SYNE1: variants seen among roughly 807,000 people sequenced by gnomAD.
SYNE1 encodes nesprin-1.
Under a neutral mutation model 1,111.0 loss-of-function variants are expected in SYNE1, and 616 were observed. That is an observed-to-expected ratio of 0.55 (90% CI 0.52 to 0.59). SYNE1 has a LOEUF of 0.59. Among genes scored for constraint, SYNE1 ranks in the 20% least tolerant of loss-of-function variants. The probability of loss-of-function intolerance (pLI) is 0.00; values close to 1 mark genes in which losing one functional copy is unlikely to be tolerated. For synonymous variants in SYNE1, 3,855 were observed against 3,825.8 expected (o/e 1.01, Z -0.28); for missense variants, 10,006 against 10,417.0 (o/e 0.96, Z 1.72).
At chr6:152,379,363 T>C (rs920987666) in intron 56 of SYNE1, among the ~76,000 whole-genome samples, 6 of 152,020 alleles carry the variant, frequency 3.9e-5, no homozygotes, top group Non-Finnish European at 8.8e-5. Context: ...ACATAGTAAA[T>C]AGAATTATTT....
chr6:152,361,810 G>A (rs1460485922), intron 64 of SYNE1, among the ~76,000 whole-genome samples: 5 of 147,902 alleles, frequency 3.4e-5, no homozygotes, highest in Non-Finnish European at 5.9e-5. Flanking sequence ...TAAGCATTAT[G>A]ACGAATGCAC....
intron 43 of SYNE1, 45 bp downstream of exon 43, chr6:152,409,514 A>G (rs143327810): frequency 1.2e-6 from 2 of 1,607,876 alleles, no homozygotes; most frequent in African/African-American, 2.7e-5. Context: ...TAAAAACCAG[A>G]TCTACTAAAG....
At chr6:152,532,083 G>A (rs6933201) in intron 4 of SYNE1, among the ~76,000 whole-genome samples, 6,231 of 152,140 alleles carry the variant, frequency 0.041, 411 homozygotes, top group African/African-American at 0.14. Flanking sequence ...CTGACATATT[G>A]TTTTACATAG....
intron 3 of SYNE1, among the ~76,000 whole-genome samples, chr6:152,626,177 C>A (rs2099685331): frequency 6.6e-6 from 1 of 152,206 alleles, no homozygotes; most frequent in South Asian, 2.1e-4. Flanking sequence ...AAAAGGACTT[C>A]CACTCAAACT....
At chr6:152,547,418 A>T (rs1332245450) in intron 3 of SYNE1, among the ~76,000 whole-genome samples, 1 of 152,224 alleles carries the variant, frequency 6.6e-6, no homozygotes, top group Admixed American at 6.5e-5. Flanking sequence ...TTTGTACATT[A>T]TATATTCTGT....
intron 11 of SYNE1, among the ~76,000 whole-genome samples, chr6:152,493,958 A>T (rs905561190): frequency 2.6e-5 from 4 of 152,142 alleles, no homozygotes; most frequent in African/African-American, 9.7e-5. Context: ...AAAGCTGCTC[A>T]CACACTAGCT....
At chr6:152,129,974 C>T (rs1014741541) in intron 145 of SYNE1, among the ~76,000 whole-genome samples, 6 of 152,114 alleles carry the variant, frequency 3.9e-5, no homozygotes, top group East Asian at 1.9e-4. Context: ...GACACCACAC[C>T]GACAACAAAG....
chr6:152,390,073 A>C (rs762640249), intron 53 of SYNE1, among the ~76,000 whole-genome samples: 19 of 152,352 alleles, frequency 1.2e-4, no homozygotes, highest in Middle Eastern at 6.8e-3. Flanking sequence ...ATATTTAAAA[A>C]ATGCAAGTAA....
chr6:152,475,918 T>C (rs2098831917), intron 14 of SYNE1, among the ~76,000 whole-genome samples: 1 of 152,194 alleles, frequency 6.6e-6, no homozygotes, highest in Admixed American at 6.5e-5. Context: ...GAAAATACCC[T>C]ATCCTCCATA....
In SYNE1 at chr6:152,331,426, C is replaced by T. The variant is rs766831979; in HGVS notation, c.13259G>A (p.Arg4420Gln). Residue 4420 changes from arginine to glutamine, a missense_variant, in exon 78 of 146, where the codon CGA becomes CAA. Coordinates refer to ENST00000367255, the MANE Select transcript of SYNE1 (RefSeq NM_182961.4). ...AGAGAGAGCCTTCTGGATGACCTGTCGCTCATTGAGACCAAGATCTGCCAT... is the reference window on the plus strand; with the variant it reads ...AGAGAGAGCCTTCTGGATGACCTGTTGCTCATTGAGACCAAGATCTGCCAT... ...RVMADLGLNE[R>Q]QVIQKALSDA... The T allele has an allele frequency of 6.8e-6, 11 of 1,614,162 alleles. No homozygotes were observed. Among genetic ancestry groups the T allele is most frequent in the Middle Eastern group, 1.6e-4 (1 of 6,062 alleles).
intron 3 of SYNE1, among the ~76,000 whole-genome samples, chr6:152,577,061 A>T (rs1420229629): frequency 6.6e-6 from 1 of 152,232 alleles, no homozygotes; most frequent in Admixed American, 6.5e-5. Flanking sequence ...TCTTTAAATT[A>T]ATTTGAGCTT....
chr6:152,299,639 G>A (rs927705883), intron 93 of SYNE1, among the ~76,000 whole-genome samples: 4 of 151,700 alleles, frequency 2.6e-5, no homozygotes, highest in Admixed American at 6.6e-5. Context: ...TTTTTACCAA[G>A]AGAACAGTGT....
chr6:152,395,543 A>G lies in SYNE1; in HGVS notation c.7685T>C (p.Met2562Thr), dbSNP rs964328108. Residue 2562 changes from methionine to threonine, a missense_variant, in exon 51 of 146, where the codon ATG becomes ACG. Around this residue, in one of 7 missense-constraint regions of SYNE1, gnomAD observed 4,955 missense variants for 5,017.2 expected, o/e 0.99. Transcript: ENST00000367255. ...EKKNEVHKVE[M>T]FLGELLAARE... Reference sequence around the variant, plus strand: ...TGCAGCCAGCAGTTCTCCCAAAAACATTTCAACTTTATGAACTTCATTTTT... The same window carrying G: ...TGCAGCCAGCAGTTCTCCCAAAAACGTTTCAACTTTATGAACTTCATTTTT... 8 of 1,613,916 alleles carry G rather than the reference A, an allele frequency of 5.0e-6. No homozygotes were observed. In the Admixed American group the frequency reaches 1.0e-4, roughly 20 times the overall value.
At chr6:152,175,688 T>G (rs113316945) in intron 130 of SYNE1, among the ~76,000 whole-genome samples, 13 of 152,340 alleles carry the variant, frequency 8.5e-5, no homozygotes, top group African/African-American at 3.1e-4. Flanking sequence ...CAAATTCACC[T>G]AAAATAAGAC....
In SYNE1 at chr6:152,373,187, G is replaced by C; in HGVS notation, c.9357C>G (p.His3119Gln). ...EFLSESENGQHKLNMMLSKGE... is the reference protein window; with the variant it reads ...EFLSESENGQQKLNMMLSKGE... ...CTTTAGACAGCATCATGTTTAGCTT[G>C]TGCTGTCCATTTTCACTTTCTGACA... Residue 3119 changes from histidine (H) to glutamine (Q), a missense_variant, in exon 59 of 146, where the codon CAC (histidine) becomes CAG (glutamine). By Grantham distance (24) the His-to-Gln change is conservative. This residue lies in a region of SYNE1 where 4,955 missense variants were observed against 5,017.2 expected (regional missense o/e 0.99). Transcript: ENST00000367255. 1.2e-6 allele frequency: 2 copies of C among 1,613,178 alleles called. No individual in the cohort carries two copies. Among genetic ancestry groups the C allele is most frequent in the Non-Finnish European group, 1.7e-6 (2 of 1,179,910 alleles).
intron 3 of SYNE1, among the ~76,000 whole-genome samples, chr6:152,609,334 C>G (rs1010200040): frequency 6.6e-6 from 1 of 152,166 alleles, no homozygotes. Flanking sequence ...GAGGCTGGCT[C>G]AGCAGGTCCC....
intron 39 of SYNE1, among the ~76,000 whole-genome samples, chr6:152,423,401 G>C (rs1272200938): frequency 2.0e-5 from 3 of 151,982 alleles, no homozygotes; most frequent in East Asian, 1.9e-4. Flanking sequence ...CTAACCTCTA[G>C]GGGGCCAAGG....
rs781730716 is a variant in SYNE1 at position 152,331,318 on chromosome 6, G to T, written c.13367C>A (p.Thr4456Asn). The part of the protein sequence containing the change: ...KYLNKALSEK[T>N]QFLMAVFQAT... ...CTGGAACACTGCCATGAGAAACTGGGTTTTCTCGGACAAGGCTTTGTTTAA... is the reference window on the plus strand; with the variant it reads ...CTGGAACACTGCCATGAGAAACTGGTTTTTCTCGGACAAGGCTTTGTTTAA... The change falls in exon 78 of 146, where the codon ACC becomes AAC. Residue 4456 changes from threonine to asparagine, a missense_variant. Transcript: ENST00000367255. 7 of 1,614,168 alleles carry T rather than the reference G, an allele frequency of 4.3e-6. No homozygotes were observed. The highest frequency in any genetic ancestry group is 5.9e-6 in the Non-Finnish European group (7 of 1,180,026).
rs962640103 is a variant in SYNE1 at position 152,167,473 on chromosome 6, C to G, written c.23628-3148G>C. On this transcript the variant is annotated intron_variant, in intron 130 of 145. Coordinates refer to ENST00000367255, the MANE Select transcript of SYNE1 (RefSeq NM_182961.4). ...AAAGAAAAACATATTAAAAAAATTC[C>G]TGTCATATTTTTATTCTAACTGAAA... is the stretch of plus-strand genomic sequence containing the variant. 5.3e-5 allele frequency among the ~76,000 whole-genome samples: 8 copies of G among 152,210 alleles called. No homozygotes were observed. The East Asian group carries it at 1.5e-3, about 29-fold the overall frequency.
Sources: allele counts gnomAD v4.1 joint callset (sites outside exome capture counted in the v4.1 genomes callset), GRCh38; gene constraint gnomAD v4.1.1; regional missense constraint gnomAD v4.1.1; transcripts MANE v1.5; gene names NCBI Gene and HGNC (gene_info 2026-07-23, HGNC 2026-07-21).